GPC3: variants seen among roughly 807,000 people sequenced by gnomAD.
The protein encoded by GPC3 is glypican-3.
GPC3 carries 3 observed loss-of-function variants against 34.4 expected under a neutral mutation model. The observed-to-expected ratio is 0.09, with a 90% CI of 0.04 to 0.23. The LOEUF is 0.23. Ranked by LOEUF, GPC3 falls within the 10% of genes least tolerant of loss-of-function variation. GPC3 has a pLI of 1.00. For missense variants in GPC3, 351 were observed against 445.6 expected (o/e 0.79, Z 1.91); for synonymous variants, 177 against 174.0 (o/e 1.02, Z -0.13).
intron 1 of GPC3, among the ~76,000 whole-genome samples, chrX:133,953,878 T>C (rs1465630812): frequency 9.0e-6 from 1 of 111,494 alleles, no homozygotes; most frequent in Non-Finnish European, 1.9e-5. Context: ...CAAACAAAAA[T>C]ATAAACATAA....
At chrX:133,761,057 CT>C (rs1443401889) in intron 2 of GPC3, among the ~76,000 whole-genome samples, 1 of 110,767 alleles carries the variant, frequency 9.0e-6, no homozygotes, top group Non-Finnish European at 1.9e-5. Flanking sequence ...ATCACTCCCT[CT>C]TTTTCCCCCT....
intron 2 of GPC3, among the ~76,000 whole-genome samples, chrX:133,874,436 A>C (rs1012970900): frequency 1.3e-4 from 14 of 111,735 alleles, no homozygotes; most frequent in African/African-American, 3.3e-4. Context: ...TATTTTTGCT[A>C]TAGTTTCCTG....
intron 2 of GPC3, among the ~76,000 whole-genome samples, chrX:133,784,476 C>T (rs1165563890): frequency 9.0e-6 from 1 of 111,023 alleles, no homozygotes; most frequent in East Asian, 2.8e-4. Flanking sequence ...ACCAGCTCCT[C>T]GGCAGAGCTG....
chrX:133,564,527 T>A (rs1484437915), intron 7 of GPC3, among the ~76,000 whole-genome samples: 1 of 111,667 alleles, frequency 9.0e-6, no homozygotes, highest in African/African-American at 3.3e-5. Flanking sequence ...ATGATATAGA[T>A]CAGTGAGAGA....
chrX:133,908,505 T>C (rs1212111638), intron 2 of GPC3, among the ~76,000 whole-genome samples: 1 of 111,673 alleles, frequency 9.0e-6, no homozygotes, highest in Non-Finnish European at 1.9e-5. Flanking sequence ...TAACCAAGAC[T>C]TGAAGGGTCT....
intron 3 of GPC3, among the ~76,000 whole-genome samples, chrX:133,724,841 T>C (rs1325610735): frequency 8.9e-6 from 1 of 112,327 alleles, no homozygotes; most frequent in Non-Finnish European, 1.9e-5. Flanking sequence ...GCAGTAGCCA[T>C]AATAAAGGTA....
rs769473697 is a variant in GPC3 at position 133,565,303 on chromosome X, TA to T, written c.1574-29011del. The stretch of plus-strand genomic sequence containing the variant: ...CCCGCAATAGCCCAGAAGGAATGAA[TA>T]AAAGCATACCTTGGGAGCAGTTGTC... On this transcript the variant is annotated intron_variant, in intron 7 of 7. Transcript: ENST00000370818. Among the ~76,000 whole-genome samples, 93 of 111,776 alleles carry T rather than the reference TA, an allele frequency of 8.3e-4. 1 individual carries two copies. Among genetic ancestry groups the T allele is most frequent in the African/African-American group, 3.0e-3 (91 of 30,787 alleles).
intron 2 of GPC3, among the ~76,000 whole-genome samples, chrX:133,804,865 A>C (rs1255175571): frequency 8.9e-6 from 1 of 111,797 alleles, no homozygotes; most frequent in Non-Finnish European, 1.9e-5. Flanking sequence ...AATAAATAAA[A>C]GTAATGAGCC....
chrX:133,621,588 G>T (rs2070233098), intron 6 of GPC3, among the ~76,000 whole-genome samples: 1 of 112,115 alleles, frequency 8.9e-6, no homozygotes, highest in East Asian at 2.8e-4. Context: ...CTGCAAGGTG[G>T]CAATGAGGCT....
At chrX:133,552,160 A>T (rs747280052) in intron 7 of GPC3, among the ~76,000 whole-genome samples, 334 of 112,319 alleles carry the variant, frequency 3.0e-3, no homozygotes, top group Admixed American at 9.3e-3. Context: ...TTAGGTAGAG[A>T]TGTCGGTGAA....
At chrX:133,833,504 G>A (rs774647158) in intron 2 of GPC3, among the ~76,000 whole-genome samples, 1 of 111,329 alleles carries the variant, frequency 9.0e-6, no homozygotes, top group African/African-American at 3.3e-5. Context: ...CTTGTTAAGC[G>A]CCAGGCACTG....
intron 2 of GPC3, among the ~76,000 whole-genome samples, chrX:133,798,449 C>T (rs1418540668): frequency 8.9e-6 from 1 of 112,206 alleles, no homozygotes; most frequent in Non-Finnish European, 1.9e-5. Flanking sequence ...ACCGACACTG[C>T]TAGATACTAA....
chrX:133,718,241 T>C (rs1454340699), intron 3 of GPC3, among the ~76,000 whole-genome samples: 1 of 112,276 alleles, frequency 8.9e-6, no homozygotes, highest in African/African-American at 3.2e-5. Context: ...TCTGTGTTGA[T>C]CGGAATACAA....
At chrX:133,631,163 G>A (rs904625449) in intron 6 of GPC3, among the ~76,000 whole-genome samples, 2 of 111,768 alleles carry the variant, frequency 1.8e-5, no homozygotes, top group African/African-American at 6.5e-5. Flanking sequence ...CAGTTCAGTA[G>A]TGTTAAATAT....
At chrX:133,713,298 G>A (rs1048053891) in intron 3 of GPC3, among the ~76,000 whole-genome samples, 1 of 112,207 alleles carries the variant, frequency 8.9e-6, no homozygotes, top group Non-Finnish European at 1.9e-5. Flanking sequence ...CAAAAGCTAT[G>A]GTGGGTAAAA....
At chrX:133,695,931 G>C (rs1478926131) in intron 4 of GPC3, among the ~76,000 whole-genome samples, 1 of 110,899 alleles carries the variant, frequency 9.0e-6, no homozygotes, top group Non-Finnish European at 1.9e-5. Flanking sequence ...AGTTCTTTTT[G>C]GTTCTTAGTG....
At chrX:133,930,711 C>T (rs1209344158) in intron 2 of GPC3, among the ~76,000 whole-genome samples, 4 of 112,284 alleles carry the variant, frequency 3.6e-5, no homozygotes, top group Non-Finnish European at 5.6e-5. Context: ...TCTTGGCTCA[C>T]TGCAACCTCT....
At chrX:133,848,323 A>G (rs1455332457) in intron 2 of GPC3, among the ~76,000 whole-genome samples, 1 of 111,704 alleles carries the variant, frequency 9.0e-6, no homozygotes. Flanking sequence ...ACAGAGAAAT[A>G]ATTTTTTACC....
Position 133,824,906 on chromosome X carries a change from T to C in GPC3, c.338-70730A>G, listed in dbSNP as rs759435072. On this transcript the variant is annotated intron_variant, in intron 2 of 7. Transcript: ENST00000370818. Reference sequence around the variant, plus strand: ...CTCTGTCGCCCGGGCTGGAGTGCAGTGGCGCGATCTCAGCTCACTGCAACC... The same window carrying C: ...CTCTGTCGCCCGGGCTGGAGTGCAGCGGCGCGATCTCAGCTCACTGCAACC... 2.1e-3 allele frequency among the ~76,000 whole-genome samples: 237 copies of C among 112,621 alleles called. 1 individual carries two copies. The highest frequency in any genetic ancestry group is 7.3e-3 in the African/African-American group (226 of 31,046).
Sources: gnomAD v4.1 joint callset for allele counts (sites outside exome capture counted in the v4.1 genomes callset) on GRCh38, gnomAD v4.1.1 for gene constraint, MANE v1.5 for transcripts, NCBI Gene and HGNC (gene_info 2026-07-23, HGNC 2026-07-21) for gene names.